PRDM5: variants seen among roughly 807,000 people sequenced by gnomAD.
PRDM5 encodes PR/SET domain 5.
PRDM5 carries 56 observed loss-of-function variants against 81.2 expected under a neutral mutation model. The observed-to-expected ratio is 0.69, with a 90% CI of 0.56 to 0.86. PRDM5 has a LOEUF of 0.86. Among genes scored for constraint, PRDM5 ranks in the 40% least tolerant of loss-of-function variants. PRDM5 has a pLI of 0.00. For synonymous variants in PRDM5, 267 were observed against 256.4 expected (o/e 1.04, Z -0.39); for missense variants, 697 against 770.1 (o/e 0.91, Z 1.12).
intron 2 of PRDM5, among the ~76,000 whole-genome samples, chr4:120,894,105 T>C (rs1457509716): frequency 3.9e-5 from 6 of 152,212 alleles, no homozygotes; most frequent in African/African-American, 7.2e-5. Flanking sequence ...TCCTCATTCC[T>C]TGCCTTCTTT....
intron 3 of PRDM5, among the ~76,000 whole-genome samples, chr4:120,826,388 C>A (rs776160940): frequency 1.1e-4 from 17 of 152,102 alleles, no homozygotes; most frequent in Non-Finnish European, 1.6e-4. Flanking sequence ...CATGTAGGAA[C>A]TTTTAATTAG....
chr4:120,722,343 AG>A (rs757240081), intron 14 of PRDM5, among the ~76,000 whole-genome samples: 11 of 151,950 alleles, frequency 7.2e-5, no homozygotes, highest in African/African-American at 1.7e-4. Context: ...TTGTAATCCC[AG>A]GCCTGTGTCT....
At chr4:120,828,700 A>C (rs1349620804) in intron 3 of PRDM5, among the ~76,000 whole-genome samples, 1 of 152,090 alleles carries the variant, frequency 6.6e-6, no homozygotes, top group Non-Finnish European at 1.5e-5. Flanking sequence ...GGCTCAAAAC[A>C]TACAGTTAAC....
At chr4:120,758,759 CT>C (rs770892664) in intron 13 of PRDM5, among the ~76,000 whole-genome samples, 3,477 of 143,562 alleles carry the variant, frequency 0.024, 38 homozygotes, top group Middle Eastern at 0.033. Flanking sequence ...TCATCCTACT[CT>C]TTTTTTTTTT....
At chr4:120,861,937 C>A (rs998532502) in intron 2 of PRDM5, among the ~76,000 whole-genome samples, 10 of 152,246 alleles carry the variant, frequency 6.6e-5, no homozygotes, top group African/African-American at 2.4e-4. Context: ...ATCTACTTTT[C>A]CTTTGATCTT....
intron 15 of PRDM5, among the ~76,000 whole-genome samples, chr4:120,706,493 C>G (rs999637234): frequency 6.6e-6 from 1 of 152,046 alleles, no homozygotes; most frequent in African/African-American, 2.4e-5. Flanking sequence ...ATTAAGAAAT[C>G]TGGGAGATCA....
chr4:120,697,668 CTATTTTTTTTTTTT>C lies in PRDM5; in HGVS notation c.1729-2407_1729-2394del, dbSNP rs1734697813. ...GCCAGATGCCACCATGCCCAGCTAA[CTATTTTTTTTTTTT>C]TTTTTTTTTTGTATTTTTTACCTAT... On this transcript the variant is annotated intron_variant, in intron 15 of 15. Coordinates refer to ENST00000264808, the MANE Select transcript of PRDM5 (RefSeq NM_018699.4). Among the ~76,000 whole-genome samples, 211 of 42,874 alleles carry C rather than the reference CTATTTTTTTTTTTT, an allele frequency of 4.9e-3. 3 individuals carry two copies. The highest frequency in any genetic ancestry group is 0.011 in the African/African-American group (200 of 18,582). The allele number at this position is 42,874 out of a possible 152,430, so 28.1% of individuals were successfully genotyped here.
intron 10 of PRDM5, among the ~76,000 whole-genome samples, chr4:120,787,057 T>C (rs78784762): frequency 0.011 from 1,650 of 152,260 alleles, 17 homozygotes; most frequent in African/African-American, 0.024. Flanking sequence ...TGAAAAAGTA[T>C]GTACTATATT....
At chr4:120,891,684 G>A (rs1764062827) in intron 2 of PRDM5, among the ~76,000 whole-genome samples, 2 of 152,060 alleles carry the variant, frequency 1.3e-5, no homozygotes, top group South Asian at 4.2e-4. Flanking sequence ...GTGTCACCCA[G>A]AGTGACACGT....
intron 14 of PRDM5, among the ~76,000 whole-genome samples, chr4:120,722,794 A>C (rs1738822852): frequency 6.6e-6 from 1 of 152,110 alleles, no homozygotes; most frequent in Non-Finnish European, 1.5e-5. Flanking sequence ...ATTCTGGAAA[A>C]GGCCTCTTCT....
intron 2 of PRDM5, among the ~76,000 whole-genome samples, chr4:120,887,569 T>G (rs1370273735): frequency 1.3e-5 from 2 of 152,180 alleles, no homozygotes; most frequent in Non-Finnish European, 2.9e-5. Context: ...GAATTGCCTC[T>G]CTAATCCTAC....
At chr4:120,741,840 G>C (rs374164759) in intron 14 of PRDM5, among the ~76,000 whole-genome samples, 2 of 152,152 alleles carry the variant, frequency 1.3e-5, no homozygotes, top group African/African-American at 2.4e-5. Flanking sequence ...AGGCAGCAGC[G>C]AGGCTGGGGG....
rs1293024411 is a variant in PRDM5, at chr4:120,878,050, G to A, written c.178-24510C>T. On this transcript the variant is annotated intron_variant, in intron 2 of 15. Transcript: ENST00000264808. ...CCAAAATCTCAAACAGATATTATAC[G>A]TCCATATGGTAACTAAACATTCAGA... Among the ~76,000 whole-genome samples, 4 of 152,084 alleles carry A rather than the reference G, an allele frequency of 2.6e-5. No homozygotes were observed. In the East Asian group the frequency reaches 5.8e-4, roughly 22 times the overall value.
chr4:120,832,247 G>C (rs992609708), intron 3 of PRDM5, among the ~76,000 whole-genome samples: 2 of 152,056 alleles, frequency 1.3e-5, no homozygotes, highest in East Asian at 3.9e-4. Context: ...TCTTCTGGGG[G>C]CAGGGGAGAT....
chr4:120,791,039 T>C (rs1040962553), intron 10 of PRDM5, among the ~76,000 whole-genome samples: 2 of 152,134 alleles, frequency 1.3e-5, no homozygotes, highest in Non-Finnish European at 2.9e-5. Flanking sequence ...AGACTGAAAA[T>C]AGAAGACTAA....
intron 14 of PRDM5, among the ~76,000 whole-genome samples, chr4:120,734,539 A>C (rs1324311160): frequency 4.6e-5 from 7 of 152,176 alleles, no homozygotes; most frequent in Admixed American, 3.3e-4. Context: ...AGAATCTGGA[A>C]TATGGTTATA....
At chr4:120,757,814 GAATT>G (rs893387902) in intron 13 of PRDM5, among the ~76,000 whole-genome samples, 13 of 151,204 alleles carry the variant, frequency 8.6e-5, no homozygotes, top group African/African-American at 2.4e-4. Context: ...GAGGAACAGT[GAATT>G]AATTAATTCT....
At chr4:120,911,510 GGACTA>G (rs1219199980) in intron 1 of PRDM5, among the ~76,000 whole-genome samples, 1 of 152,082 alleles carries the variant, frequency 6.6e-6, no homozygotes, top group African/African-American at 2.4e-5. Context: ...TCTATTCACT[GGACTA>G]GACAGTAACT....
At chr4:120,805,880 G>A (rs1051969142) in intron 8 of PRDM5, among the ~76,000 whole-genome samples, 1 of 150,976 alleles carries the variant, frequency 6.6e-6, no homozygotes, top group African/African-American at 2.4e-5. Context: ...AAAAATAAAG[G>A]GTATTCAATT....
Sources: gnomAD v4.1 joint callset for allele counts (sites outside exome capture counted in the v4.1 genomes callset) on GRCh38, gnomAD v4.1.1 for gene constraint, MANE v1.5 for transcripts, NCBI Gene and HGNC (gene_info 2026-07-23, HGNC 2026-07-21) for gene names.